Variants in DLGAP2 observed in about 807,000 individuals in gnomAD.
DLGAP2 encodes the protein DLG associated protein 2.
In DLGAP2, 26 loss-of-function variants were observed where a neutral mutation model predicts 100.3. The ratio of observed to expected loss-of-function variants is 0.26; its 90% CI spans 0.19 to 0.36. DLGAP2 has a LOEUF of 0.36. Ranked by LOEUF, DLGAP2 falls within the 10% of genes least tolerant of loss-of-function variation. The pLI is 1.00. For synonymous variants in DLGAP2, 886 were observed against 630.1 expected, an observed-to-expected ratio of 1.41 and a Z score of -6.08; for missense variants, 1,858 against 1,453.2, an observed-to-expected ratio of 1.28 and a Z score of -4.53.
chr8:1,318,611 C>A (rs139371612), intron 3 of DLGAP2, among the ~76,000 whole-genome samples: 41 of 151,636 alleles, frequency 2.7e-4, no homozygotes, highest in African/African-American at 8.7e-4. Flanking sequence ...CCGCCGATGT[C>A]GAAAGGCAGT....
chr8:884,779 C>A (rs1448593880), intron 1 of DLGAP2, among the ~76,000 whole-genome samples: 1 of 152,174 alleles, frequency 6.6e-6, no homozygotes, highest in African/African-American at 2.4e-5. Context: ...AAATTTAAGT[C>A]TTTAATCCAT....
intron 1 of DLGAP2, among the ~76,000 whole-genome samples, chr8:805,963 G>A (rs994585676): frequency 3.9e-5 from 6 of 152,228 alleles, no homozygotes; most frequent in Admixed American, 1.3e-4. Context: ...TGGTCTGTGA[G>A]TTCCTGCTGG....
chr8:1,179,385 G>C (rs1273770408), intron 2 of DLGAP2, among the ~76,000 whole-genome samples: 1 of 152,220 alleles, frequency 6.6e-6, no homozygotes. Context: ...GGGGGACTCT[G>C]ACTGTGCAGT....
chr8:949,494 A>T (rs1799421046), intron 2 of DLGAP2, among the ~76,000 whole-genome samples: 2 of 152,102 alleles, frequency 1.3e-5, no homozygotes, highest in South Asian at 4.1e-4. Flanking sequence ...ACTCGGGAAG[A>T]TGCGAACATT....
intron 3 of DLGAP2, among the ~76,000 whole-genome samples, chr8:1,326,757 C>G (rs1056976086): frequency 6.6e-6 from 1 of 152,234 alleles, no homozygotes; most frequent in African/African-American, 2.4e-5. Context: ...GTTTTTCCAA[C>G]TGGAGAGACT....
chr8:1,423,446 C>A (rs1326729505), intron 3 of DLGAP2, among the ~76,000 whole-genome samples: 10 of 152,236 alleles, frequency 6.6e-5, no homozygotes, highest in Admixed American at 5.9e-4. Context: ...TCCGCGAGGT[C>A]TGATGACCAC....
chr8:740,762 G>C (rs1232531730), intron 1 of DLGAP2, among the ~76,000 whole-genome samples: 1 of 152,144 alleles, frequency 6.6e-6, no homozygotes, highest in African/African-American at 2.4e-5. Context: ...AACTGTATTT[G>C]AGGAAAAGCT....
chr8:932,066 C>T (rs926181307), intron 2 of DLGAP2, among the ~76,000 whole-genome samples: 3 of 152,200 alleles, frequency 2.0e-5, no homozygotes, highest in Non-Finnish European at 4.4e-5. Context: ...GCAGCACAAA[C>T]ATGTACTGTA....
At chr8:1,358,119 A>T (rs546714383) in intron 3 of DLGAP2, among the ~76,000 whole-genome samples, 2 of 152,326 alleles carry the variant, frequency 1.3e-5, no homozygotes, top group Middle Eastern at 6.8e-3. Context: ...AGAAGTGAAG[A>T]TTGTAAAATA....
chr8:1,065,511 C>G (rs1803217462), intron 2 of DLGAP2, among the ~76,000 whole-genome samples: 1 of 152,208 alleles, frequency 6.6e-6, no homozygotes, highest in South Asian at 2.1e-4. Context: ...TTGCTTGTAA[C>G]TCTGTGGTTG....
intron 2 of DLGAP2, among the ~76,000 whole-genome samples, chr8:1,025,732 C>T (rs1249590564): frequency 6.6e-6 from 1 of 152,108 alleles, no homozygotes; most frequent in Non-Finnish European, 1.5e-5. Context: ...GCAAAAGGAA[C>T]AAATGACAGG....
At chr8:1,571,722 G>T in intron 6 of DLGAP2, among the ~76,000 whole-genome samples, 1 of 143,026 alleles carries the variant, frequency 7.0e-6, no homozygotes, top group South Asian at 2.4e-4. Context: ...GAACTGTGGG[G>T]GCGTCTGATG....
chr8:1,392,277 G>A (rs752529711), intron 3 of DLGAP2, among the ~76,000 whole-genome samples: 13 of 152,234 alleles, frequency 8.5e-5, no homozygotes, highest in South Asian at 2.1e-4. Flanking sequence ...ATCCCAGGTC[G>A]AGGCGCAGTC....
chr8:1,422,547 GCTTT>G (rs1037000777), intron 3 of DLGAP2, among the ~76,000 whole-genome samples: 3 of 146,546 alleles, frequency 2.0e-5, no homozygotes, highest in Non-Finnish European at 4.5e-5. Context: ...TTTGGAAAAG[GCTTT>G]CTTTGACATT....
intron 2 of DLGAP2, among the ~76,000 whole-genome samples, chr8:955,067 C>G (rs746696820): frequency 6.6e-6 from 1 of 151,922 alleles, no homozygotes; most frequent in Non-Finnish European, 1.5e-5. Context: ...CAATTTGTCT[C>G]TGCTTGGCCA....
At chr8:1,244,895 C>G (rs1021313479) in intron 2 of DLGAP2, among the ~76,000 whole-genome samples, 9 of 152,146 alleles carry the variant, frequency 5.9e-5, no homozygotes, top group African/African-American at 2.2e-4. Flanking sequence ...AAAAAGGTTT[C>G]TATTTAGAAG....
intron 3 of DLGAP2, among the ~76,000 whole-genome samples, chr8:1,487,538 G>T (rs1226316552): frequency 1.3e-5 from 2 of 152,230 alleles, no homozygotes; most frequent in Non-Finnish European, 2.9e-5. Context: ...GTTTAAAACA[G>T]TGCTACTGAA....
intron 4 of DLGAP2, among the ~76,000 whole-genome samples, chr8:1,523,138 T>G (rs1465903136): frequency 6.6e-6 from 1 of 152,132 alleles, no homozygotes; most frequent in Admixed American, 6.5e-5. Context: ...ACGCGTATGA[T>G]AAGTTCTGGG....
intron 2 of DLGAP2, among the ~76,000 whole-genome samples, chr8:1,190,418 A>T (rs541820730): frequency 6.6e-6 from 1 of 151,798 alleles, no homozygotes; most frequent in Non-Finnish European, 1.5e-5. Flanking sequence ...CTGTTGGGGC[A>T]TCTGCTGTTG....
Sources: allele counts gnomAD v4.1 joint callset (sites outside exome capture counted in the v4.1 genomes callset), GRCh38; gene constraint gnomAD v4.1.1; transcripts MANE v1.5; gene names NCBI Gene and HGNC (gene_info 2026-07-23, HGNC 2026-07-21).